ROBO1: variants seen among roughly 807,000 people sequenced by gnomAD.
ROBO1 encodes roundabout guidance receptor 1.
ROBO1 carries 149 observed loss-of-function variants against 195.9 expected under a neutral mutation model. That is an observed-to-expected ratio of 0.76 (90% CI 0.67 to 0.87). The LOEUF (loss-of-function observed/expected upper bound fraction) is 0.87. Ranked by LOEUF, ROBO1 falls within the 40% of genes least tolerant of loss-of-function variation. ROBO1 has a pLI of 0.00. For synonymous variants in ROBO1, 816 were observed against 733.2 expected (o/e 1.11, Z -1.82); for missense variants, 1,933 against 2,068.3 (o/e 0.93, Z 1.27).
rs1311620459 is a variant in ROBO1, at chr3:79,123,760, A to T, written c.172+1696T>A. 2.0e-5 allele frequency among the ~76,000 whole-genome samples: 3 copies of T among 152,190 alleles called. 1 individual carries two copies. The East Asian group carries it at 5.8e-4, about 29-fold the overall frequency. On this transcript the variant is annotated intron_variant, in intron 3 of 30. Coordinates refer to ENST00000464233, the MANE Select transcript of ROBO1 (RefSeq NM_002941.4). ...CATTATAGACTATAAAGATAATTTT[A>T]TAAGTTTATTTCCTCATGTTAATTT...
At chr3:79,523,543 G>T (rs1283142995) in intron 2 of ROBO1, among the ~76,000 whole-genome samples, 1 of 143,432 alleles carries the variant, frequency 7.0e-6, no homozygotes, top group East Asian at 2.1e-4. Flanking sequence ...CACACTCTCA[G>T]CTTACTGCAA....
At chr3:79,291,606 TCAA>T (rs1559794911) in intron 2 of ROBO1, among the ~76,000 whole-genome samples, 1 of 152,328 alleles carries the variant, frequency 6.6e-6, no homozygotes. Context: ...GCGTGAGATT[TCAA>T]CAACAAGGGC....
At chr3:78,861,159 A>G (rs1283555400) in intron 4 of ROBO1, among the ~76,000 whole-genome samples, 2 of 152,068 alleles carry the variant, frequency 1.3e-5, no homozygotes, top group African/African-American at 2.4e-5. Context: ...CACAGATCCA[A>G]ACTCCTTATC....
At chr3:79,371,836 G>A (rs906143929) in intron 2 of ROBO1, among the ~76,000 whole-genome samples, 3 of 152,154 alleles carry the variant, frequency 2.0e-5, no homozygotes, top group African/African-American at 7.2e-5. Context: ...CATCTGATAG[G>A]ATTAATGTTC....
At chr3:79,627,263 A>G (rs1039512568) in intron 1 of ROBO1, among the ~76,000 whole-genome samples, 2 of 152,346 alleles carry the variant, frequency 1.3e-5, no homozygotes, top group Middle Eastern at 6.8e-3. Context: ...CTACAAGGCT[A>G]TAGTAACCAA....
intron 17 of ROBO1, among the ~76,000 whole-genome samples, chr3:78,658,092 G>T (rs1327549715): frequency 6.6e-6 from 1 of 152,130 alleles, no homozygotes; most frequent in East Asian, 1.9e-4. Context: ...GATTAACTTG[G>T]CTAATAATAT....
At chr3:79,737,825 C>T (rs1298573322) in intron 1 of ROBO1, among the ~76,000 whole-genome samples, 1 of 152,182 alleles carries the variant, frequency 6.6e-6, no homozygotes, top group Non-Finnish European at 1.5e-5. Flanking sequence ...AATAAAGCTG[C>T]TTTAATTATT....
chr3:78,650,851 A>T (rs1706602564), intron 19 of ROBO1, among the ~76,000 whole-genome samples: 1 of 152,148 alleles, frequency 6.6e-6, no homozygotes, highest in African/African-American at 2.4e-5. Flanking sequence ...CTAATGACAT[A>T]AACTGGGGTG....
intron 3 of ROBO1, among the ~76,000 whole-genome samples, chr3:78,987,914 A>G (rs986904757): frequency 2.6e-5 from 4 of 152,186 alleles, no homozygotes; most frequent in African/African-American, 9.6e-5. Flanking sequence ...AAAATAAAAC[A>G]TAATTATATT....
intron 4 of ROBO1, among the ~76,000 whole-genome samples, chr3:78,757,071 T>C (rs903802584): frequency 1.3e-5 from 2 of 152,090 alleles, no homozygotes; most frequent in African/African-American, 4.8e-5. Flanking sequence ...TTTGTACTTT[T>C]AGTAGAGACA....
intron 27 of ROBO1, among the ~76,000 whole-genome samples, chr3:78,615,066 A>G (rs546731496): frequency 4.4e-4 from 67 of 152,228 alleles, no homozygotes; most frequent in African/African-American, 1.5e-3. Context: ...CATGATACCT[A>G]TTTATTAAAG....
At chr3:79,724,208 G>A (rs1275093338) in intron 1 of ROBO1, among the ~76,000 whole-genome samples, 1 of 152,056 alleles carries the variant, frequency 6.6e-6, no homozygotes, top group East Asian at 1.9e-4. Context: ...CTCCCATTTA[G>A]GGTAAAGAAC....
At chr3:79,333,383 T>C (rs2034531554) in intron 2 of ROBO1, among the ~76,000 whole-genome samples, 1 of 152,104 alleles carries the variant, frequency 6.6e-6, no homozygotes, top group Non-Finnish European at 1.5e-5. Flanking sequence ...TGCGTAACCA[T>C]GTAAATCACA....
intron 2 of ROBO1, among the ~76,000 whole-genome samples, chr3:79,347,645 G>C (rs979461772): frequency 2.0e-5 from 3 of 152,138 alleles, no homozygotes; most frequent in Non-Finnish European, 2.9e-5. Flanking sequence ...AATAGTATTG[G>C]CAATAATATC....
chr3:79,496,687 G>A (rs923848381), intron 2 of ROBO1, among the ~76,000 whole-genome samples: 5 of 151,980 alleles, frequency 3.3e-5, no homozygotes, highest in East Asian at 1.9e-4. Context: ...GCGCCCGGCC[G>A]CACCCATCAT....
At chr3:79,365,620 G>C (rs1039745713) in intron 2 of ROBO1, among the ~76,000 whole-genome samples, 4 of 152,078 alleles carry the variant, frequency 2.6e-5, no homozygotes, top group Non-Finnish European at 4.4e-5. Context: ...TCCCAGGGCC[G>C]GGCACGGTGG....
intron 2 of ROBO1, among the ~76,000 whole-genome samples, chr3:79,229,395 C>A (rs2082283456): frequency 6.6e-6 from 1 of 152,096 alleles, no homozygotes; most frequent in African/African-American, 2.4e-5. Flanking sequence ...ACTTGGATTT[C>A]ACAAGTGACT....
chr3:79,630,692 T>G lies in ROBO1; in HGVS notation c.-50-40731A>C, dbSNP rs560324641. On this transcript the variant is annotated intron_variant, in intron 1 of 30. Coordinates refer to ENST00000464233, the MANE Select transcript of ROBO1 (RefSeq NM_002941.4). ...CAAATTATAAAAAAGAGTAGTCAAA[T>G]CATCTGTTTGCTTATGACATATTCT... Among the ~76,000 whole-genome samples the G allele has an allele frequency of 4.6e-5, 7 of 152,056 alleles. No homozygotes were observed. The South Asian group carries it at 1.5e-3, about 32-fold the overall frequency.
intron 3 of ROBO1, among the ~76,000 whole-genome samples, chr3:78,963,787 G>A (rs2041530845): frequency 6.6e-6 from 1 of 152,112 alleles, no homozygotes; most frequent in South Asian, 2.1e-4. Flanking sequence ...AAAATGCTGG[G>A]ATTACAGGCG....
Sources: allele counts gnomAD v4.1 joint callset (sites outside exome capture counted in the v4.1 genomes callset), GRCh38; gene constraint gnomAD v4.1.1; transcripts MANE v1.5; gene names NCBI Gene and HGNC (gene_info 2026-07-23, HGNC 2026-07-21).